Variants in SCN7A observed in about 807,000 individuals in gnomAD.
SCN7A encodes the protein sodium voltage-gated channel alpha subunit 7.
A neutral mutation model predicts 155.2 loss-of-function variants in SCN7A; 138 were observed. That is an observed-to-expected ratio of 0.89 (90% CI 0.77 to 1.02). The LOEUF is 1.02. Ranked by LOEUF, SCN7A falls within the 50% of genes least tolerant of loss-of-function variation. The probability of loss-of-function intolerance (pLI) is 0.00; values close to 1 mark genes in which losing one functional copy is unlikely to be tolerated. For missense variants in SCN7A, 2,058 were observed against 1,986.6 expected (o/e 1.04, Z -0.68); for synonymous variants, 693 against 649.0 (o/e 1.07, Z -1.03).
At chr2:166,458,937 A>C (rs910239705) in intron 10 of SCN7A, among the ~76,000 whole-genome samples, 19 of 152,188 alleles carry the variant, frequency 1.2e-4, no homozygotes, top group African/African-American at 4.6e-4. Flanking sequence ...TATTATGAGT[A>C]ATCTAGAGAT....
chr2:166,453,715 C>A (rs1397052855), intron 11 of SCN7A, among the ~76,000 whole-genome samples: 1 of 152,096 alleles, frequency 6.6e-6, no homozygotes, highest in Non-Finnish European at 1.5e-5. Context: ...GTGCTTTTAG[C>A]CAATATGACC....
chr2:166,448,710 AAATGGTTGTGGTATGATCCAT>A (rs1473157639), intron 11 of SCN7A, among the ~76,000 whole-genome samples: 1 of 152,204 alleles, frequency 6.6e-6, no homozygotes, highest in Admixed American at 6.5e-5. Context: ...CAAGACCAGG[AAATGGTTGTGGTATGATCCAT>A]ATTTGACAAG....
chr2:166,443,011 C>A (rs763948677), intron 14 of SCN7A, among the ~76,000 whole-genome samples: 10 of 152,134 alleles, frequency 6.6e-5, no homozygotes, highest in Non-Finnish European at 1.5e-4. Flanking sequence ...TTTCAATAAA[C>A]AATATTCTCA....
chr2:166,475,163 G>A (rs1702769933), intron 3 of SCN7A, among the ~76,000 whole-genome samples: 1 of 120,490 alleles, frequency 8.3e-6, no homozygotes, highest in African/African-American at 2.8e-5. Flanking sequence ...CAGTGAAAGT[G>A]TGTATATATA....
chr2:166,439,917 T>C (rs1701921875), intron 15 of SCN7A, among the ~76,000 whole-genome samples: 1 of 152,194 alleles, frequency 6.6e-6, no homozygotes, highest in Non-Finnish European at 1.5e-5. Flanking sequence ...AAATTGAGTC[T>C]AACCTGCGAT....
At chr2:166,466,843 C>T (rs1315778302) in intron 7 of SCN7A, among the ~76,000 whole-genome samples, 1 of 151,896 alleles carries the variant, frequency 6.6e-6, no homozygotes, top group Non-Finnish European at 1.5e-5. Context: ...AATTTTTTTA[C>T]ATGGAAATAA....
chr2:166,445,208 C>T (rs747400778), intron 12 of SCN7A, among the ~76,000 whole-genome samples: 16 of 151,950 alleles, frequency 1.1e-4, no homozygotes, highest in South Asian at 4.2e-4. Flanking sequence ...CCCAGCTACT[C>T]GGGAGGCCGA....
intron 15 of SCN7A, among the ~76,000 whole-genome samples, chr2:166,439,741 G>A (rs889034966): frequency 9.9e-5 from 15 of 152,126 alleles, no homozygotes; most frequent in African/African-American, 2.4e-4. Context: ...GTTGGGCACC[G>A]TTCTAGGTTT....
chr2:166,415,007 T>C (rs1192833539), intron 21 of SCN7A, among the ~76,000 whole-genome samples: 1 of 132,566 alleles, frequency 7.5e-6, no homozygotes, highest in East Asian at 2.1e-4. Flanking sequence ...TAATATATAA[T>C]ATATATTATT....
Position 166,441,681 on chromosome 2 carries a change from C to T in SCN7A, c.1872G>A (p.Trp624Ter). ...ACAGGACCAAGTCTTTCAGGGCCAC[C>T]CATGAGTTACTAAGAGACCACATCA... Reference protein sequence around the residue: ...QILMWSLSNSWVALKDLVLLL... With the variant: ...QILMWSLSNS Residue 624 changes from tryptophan to a stop codon, truncating the protein, a stop_gained, in exon 15 of 26, where the codon TGG becomes TGA. Coordinates refer to ENST00000643258, the MANE Select transcript of SCN7A (RefSeq NM_002976.4). LOFTEE classifies it high-confidence loss of function. 1 of 1,613,786 alleles carries T rather than the reference C, an allele frequency of 6.2e-7. No homozygotes were observed. Among genetic ancestry groups the T allele is most frequent in the Non-Finnish European group, 8.5e-7 (1 of 1,179,764 alleles).
rs759318361 is a variant in SCN7A, at chr2:166,406,089, C to T, written c.4540G>A (p.Asp1514Asn). 1.2e-6 allele frequency: 2 copies of T among 1,612,196 alleles called. No individual in the cohort carries two copies. The highest frequency in any genetic ancestry group is 1.7e-5 in the Admixed American group (1 of 59,688). The stretch of plus-strand genomic sequence containing the variant: ...CATACCTGAAAGAATTTCCTAAAAT[C>T]ATCTTCACTCAAGGTCTTGTTTTTC... ...KKKNKTLSEDDFRKFFQVWKR... is the reference protein window; with the variant it reads ...KKKNKTLSEDNFRKFFQVWKR... The change falls in exon 26 of 26, where the codon GAT becomes AAT. Residue 1514 changes from aspartate (D) to asparagine (N), a missense_variant. Transcript: ENST00000643258.
At chr2:166,425,108 C>T (rs1352227760) in intron 18 of SCN7A, among the ~76,000 whole-genome samples, 9 of 152,054 alleles carry the variant, frequency 5.9e-5, no homozygotes, top group South Asian at 2.1e-4. Flanking sequence ...TGAAATTGCG[C>T]GGTGCAGTCT....
intron 11 of SCN7A, among the ~76,000 whole-genome samples, chr2:166,448,010 TATTA>T (rs1448169438): frequency 3.3e-5 from 5 of 152,174 alleles, no homozygotes; most frequent in Non-Finnish European, 5.9e-5. Context: ...TATAATAAAT[TATTA>T]ATTAGAGTCA....
intron 1 of SCN7A, among the ~76,000 whole-genome samples, chr2:166,493,501 C>T (rs1338257477): frequency 1.3e-5 from 2 of 152,216 alleles, no homozygotes; most frequent in African/African-American, 4.8e-5. Context: ...CTGCCAATCA[C>T]ATCAATGCCT....
intron 15 of SCN7A, among the ~76,000 whole-genome samples, chr2:166,434,176 A>C (rs1313668483): frequency 1.3e-5 from 2 of 152,080 alleles, no homozygotes; most frequent in Non-Finnish European, 2.9e-5. Flanking sequence ...ATGGACATGC[A>C]CATCTGGGAT....
Position 166,423,398 on chromosome 2 carries a change from G to A in SCN7A, c.2888C>T (p.Thr963Ile). ...FEDIYMDQRK[T>I]IKILLEYADM... ...AGCATATTCTAATAAAATTTTAATT[G>A]TCTTTCTCTGATCCATATATATATC... Residue 963 changes from threonine (T) to isoleucine (I), a missense_variant, in exon 19 of 26, where the codon ACA (threonine) becomes ATA (isoleucine). Coordinates refer to ENST00000643258, the MANE Select transcript of SCN7A (RefSeq NM_002976.4). 6.3e-7 allele frequency: 1 copy of A among 1,596,848 alleles called. No individual in the cohort carries two copies. Among genetic ancestry groups the A allele is most frequent in the Non-Finnish European group, 8.5e-7 (1 of 1,172,920 alleles).
In SCN7A at chr2:166,439,061, A is replaced by G. The variant is rs1387712675; in HGVS notation, c.2157+2335T>C. Reference sequence around the variant, plus strand: ...CATATATGTGTGTGTGTGTGTATATATATATATATATATATATAGCCTCAG... The same window carrying G: ...CATATATGTGTGTGTGTGTGTATATGTATATATATATATATATAGCCTCAG... On this transcript the variant is annotated intron_variant, in intron 15 of 25. Coordinates refer to ENST00000643258, the MANE Select transcript of SCN7A (RefSeq NM_002976.4). 1.7e-3 allele frequency among the ~76,000 whole-genome samples: 228 copies of G among 131,952 alleles called. 1 individual carries two copies. Among genetic ancestry groups the G allele is most frequent in the African/African-American group, 5.8e-3 (208 of 35,890 alleles). 86.6% of individuals were successfully genotyped at this position (131,952 alleles called of 152,430 possible). A position where few individuals can be genotyped will look rare whatever the true frequency, so the allele number is the denominator to read the frequency against.
At chr2:166,455,768 T>G (rs904885375) in intron 11 of SCN7A, among the ~76,000 whole-genome samples, 4 of 152,176 alleles carry the variant, frequency 2.6e-5, no homozygotes, top group African/African-American at 9.7e-5. Flanking sequence ...GTGTTGAATT[T>G]TATCGAAGGC....
chr2:166,454,678 C>T (rs1688194675), intron 11 of SCN7A, among the ~76,000 whole-genome samples: 1 of 152,062 alleles, frequency 6.6e-6, no homozygotes, highest in African/African-American at 2.4e-5. Context: ...TGGCTTCTCT[C>T]TATTTTTCGT....
Sources: gnomAD v4.1 joint callset for allele counts (sites outside exome capture counted in the v4.1 genomes callset) on GRCh38, gnomAD v4.1.1 for gene constraint, MANE v1.5 for transcripts, NCBI Gene and HGNC (gene_info 2026-07-23, HGNC 2026-07-21) for gene names.